CXCL1: variants seen among roughly 807,000 people sequenced by gnomAD.
CXCL1 encodes C-X-C motif chemokine ligand 1.
CXCL1 carries 9 observed loss-of-function variants against 11.7 expected under a neutral mutation model. That is an observed-to-expected ratio of 0.77 (90% CI 0.46 to 1.34). The LOEUF (loss-of-function observed/expected upper bound fraction) is 1.34. CXCL1 is among the 40% of genes most tolerant of loss of function. The pLI is 0.00. For synonymous variants in CXCL1, 78 were observed against 59.1 expected, an observed-to-expected ratio of 1.32 and a Z score of -1.47; for missense variants, 146 against 138.1, an observed-to-expected ratio of 1.06 and a Z score of -0.29.
chr4:73,870,923 G>C lies in CXCL1; in HGVS notation c.*387G>C, dbSNP rs1731937904. 1.2e-5 allele frequency: 2 copies of C among 173,180 alleles called. No homozygotes were observed. Among genetic ancestry groups the C allele is most frequent in the Admixed American group, 1.1e-4 (2 of 17,894 alleles). The allele number at this position is 173,180 out of a possible 1,614,324, so 10.7% of individuals were successfully genotyped here. A position where few individuals can be genotyped will look rare whatever the true frequency, so the allele number is the denominator to read the frequency against. On this transcript the variant is annotated 3_prime_UTR_variant, in exon 4 of 4. Coordinates refer to ENST00000395761, the MANE Select transcript of CXCL1 (RefSeq NM_001511.4). ...CTGCAACATGCCAGCCACTGTGATA[G>C]AGGCTGGCGGATCCAAGCAAATGGC...
In CXCL1 at chr4:73,871,183, AG is replaced by A. The variant is rs1260586048; in HGVS notation, c.*651del. 1 of 152,224 alleles carries A rather than the reference AG, an allele frequency of 6.6e-6. No homozygotes were observed. Among genetic ancestry groups the A allele is most frequent in the Non-Finnish European group, 1.5e-5 (1 of 68,038 alleles). The allele number at this position is 152,224 out of a possible 1,614,324, so 9.4% of individuals were successfully genotyped here. On this transcript the variant is annotated 3_prime_UTR_variant, in exon 4 of 4. Coordinates refer to ENST00000395761, the MANE Select transcript of CXCL1 (RefSeq NM_001511.4). The stretch of plus-strand genomic sequence containing the variant: ...TTACAGTGTTTCTGGCTTAGAACAA[AG>A]GGGCTTAATTATTGATGTTTTCATA...
At chr4:73,869,593 C>G (rs376258192) in intron 1 of CXCL1, 23 bp downstream of exon 1, 1 of 1,612,722 alleles carries the variant, frequency 6.2e-7, no homozygotes, top group Non-Finnish European at 8.5e-7. Flanking sequence ...GCCCTGGGGT[C>G]CCCGGGCCGG....
At chr4:73,869,619 G>A (rs756167130) in intron 1 of CXCL1, 49 bp downstream of exon 1, 8 of 1,613,452 alleles carry the variant, frequency 5.0e-6, no homozygotes, top group Non-Finnish European at 6.8e-6. Flanking sequence ...GCTGGGGTAG[G>A]CACCCAGCGC....
At chr4:73,870,288 C>T in intron 3 of CXCL1, 1 of 622,232 alleles carries the variant, frequency 1.6e-6, no homozygotes, top group Middle Eastern at 3.0e-4. Flanking sequence ...GTTTTTAATC[C>T]AATAGTACAG....
intron 2 of CXCL1, 45 bp from the exon 3 acceptor site, chr4:73,869,861 C>A: frequency 6.2e-7 from 1 of 1,613,614 alleles, no homozygotes; most frequent in East Asian, 2.2e-5. Context: ...CCAACCCTGT[C>A]CCCAGCCCGA....
rs976594581 is a variant in CXCL1, at chr4:73,870,762, A to G, written c.*226A>G. ...AATAATTAAGGGTATGATTAACTCT[A>G]CCTGCACACTGTCCTATTATATTCA... On this transcript the variant is annotated 3_prime_UTR_variant, in exon 4 of 4. Coordinates refer to ENST00000395761, the MANE Select transcript of CXCL1 (RefSeq NM_001511.4). 7.7e-6 allele frequency: 4 copies of G among 521,394 alleles called. No homozygotes were observed. Among genetic ancestry groups the G allele is most frequent in the Non-Finnish European group, 1.4e-5 (4 of 295,208 alleles). The allele number at this position is 521,394 out of a possible 1,614,324, so 32.3% of individuals were successfully genotyped here.
At position 73,869,554 on chromosome 4, in the gene CXCL1, T is replaced by A; in HGVS notation, c.84T>A (p.Ala28=). 1 of 1,609,898 alleles carries A rather than the reference T, an allele frequency of 6.2e-7. No individual in the cohort carries two copies. The highest frequency in any genetic ancestry group is 8.5e-7 in the Non-Finnish European group (1 of 1,178,058). Residue 28 remains alanine, a synonymous_variant, in exon 1 of 4, where the codon GCT becomes GCA. Transcript: ENST00000395761. ...VALLLLLLVA[A]GRRAAGASVA... ...TGCTGCTCCTGCTCCTGGTAGCCGC[T>A]GGCCGGCGCGCAGCAGGTGGGTACC...
At chr4:73,870,049 G>C (rs1270205918) in intron 3 of CXCL1, 60 bp downstream of exon 3, 22 of 1,517,492 alleles carry the variant, frequency 1.4e-5, no homozygotes, top group Non-Finnish European at 1.8e-5. Context: ...ATACTGGCAT[G>C]TGCCCCCTAA....
Position 73,869,655 on chromosome 4 carries a change from C to A in CXCL1, c.101-14C>A, listed in dbSNP as rs372249273. The A allele has an allele frequency of 6.2e-7, 1 of 1,614,148 alleles. No individual in the cohort carries two copies. On this transcript the variant is annotated splice_polypyrimidine_tract_variant and intron_variant, in intron 1 of 3. Transcript: ENST00000395761. Reference sequence around the variant, plus strand: ...CGACAGCCTCGCTCAGTCAGTGAGTCTCTTCTTCCCTAGGAGCGTCCGTGG... The same window carrying A: ...CGACAGCCTCGCTCAGTCAGTGAGTATCTTCTTCCCTAGGAGCGTCCGTGG...
chr4:73,869,734 A>T lies in CXCL1; in HGVS notation c.166A>T (p.Asn56Tyr). The T allele has an allele frequency of 6.2e-7, 1 of 1,614,060 alleles. No homozygotes were observed. The highest frequency in any genetic ancestry group is 1.1e-5 in the South Asian group (1 of 91,076). The change falls in exon 2 of 4, where the codon AAC (asparagine) becomes TAC (tyrosine). Residue 56 changes from asparagine (N) to tyrosine (Y), a missense_variant. Transcript: ENST00000395761. ...GACCCTGCAGGGAATTCACCCCAAG[A>T]ACATCCAAAGTGTGAACGTGAAGTC... is the stretch of plus-strand genomic sequence containing the variant. ...LQTLQGIHPK[N>Y]IQSVNVKSPG...
chr4:73,870,317 C>A, intron 3 of CXCL1: 2 of 573,688 alleles, frequency 3.5e-6, no homozygotes, highest in Non-Finnish European at 6.1e-6. Flanking sequence ...ACCGCCCCAC[C>A]CCACCCCCAT....
chr4:73,870,367 C>G (rs1731920637), intron 3 of CXCL1, among the ~76,000 whole-genome samples, 154 bp from the exon 4 acceptor site: 1 of 152,098 alleles, frequency 6.6e-6, no homozygotes, highest in Admixed American at 6.5e-5. Flanking sequence ...CCCTGCCACA[C>G]AGCACAGCTG....
Position 73,870,571 on chromosome 4 carries a change from C to T in CXCL1, c.*35C>T, listed in dbSNP as rs746403404. The T allele has an allele frequency of 3.1e-6, 5 of 1,613,352 alleles. No homozygotes were observed. The South Asian group carries it at 4.4e-5, about 14-fold the overall frequency. On this transcript the variant is annotated 3_prime_UTR_variant, in exon 4 of 4. Transcript: ENST00000395761. ...AGGAGGAAGCTCACTGGTGGCTGTTCCTGAAGGAGGCCCTGCCCTTATAGG... is the reference window on the plus strand; with the variant it reads ...AGGAGGAAGCTCACTGGTGGCTGTTTCTGAAGGAGGCCCTGCCCTTATAGG...
At position 73,870,651 on chromosome 4, in the gene CXCL1, G is replaced by A; in HGVS notation, c.*115G>A. The A allele has an allele frequency of 8.3e-7, 1 of 1,208,120 alleles. No individual in the cohort carries two copies. Among genetic ancestry groups the A allele is most frequent in the Non-Finnish European group, 1.2e-6 (1 of 845,456 alleles). The allele number at this position is 1,208,120 out of a possible 1,614,324, so 74.8% of individuals were successfully genotyped here. ...AGAGGCCACCTGGATTGTGCCTAAT[G>A]TGTTTGAGCATCGCTTAGGAGAAGT... On this transcript the variant is annotated 3_prime_UTR_variant, in exon 4 of 4. Coordinates refer to ENST00000395761, the MANE Select transcript of CXCL1 (RefSeq NM_001511.4).
At position 73,869,666 on chromosome 4, in the gene CXCL1, T is replaced by C; in HGVS notation, c.101-3T>C. 1.9e-6 allele frequency: 3 copies of C among 1,614,146 alleles called. No individual in the cohort carries two copies. Among genetic ancestry groups the C allele is most frequent in the South Asian group, 1.1e-5 (1 of 91,082 alleles). On this transcript the variant is annotated splice_polypyrimidine_tract_variant and splice_region_variant and intron_variant, in intron 1 of 3. Transcript: ENST00000395761. ...CTCAGTCAGTGAGTCTCTTCTTCCC[T>C]AGGAGCGTCCGTGGCCACTGAACTG...
rs199785807 is a variant in CXCL1, at chr4:73,869,791, A to G, written c.223A>G (p.Ile75Val). The G allele has an allele frequency of 6.2e-7, 1 of 1,613,452 alleles. No homozygotes were observed. Among genetic ancestry groups the G allele is most frequent in the Non-Finnish European group, 8.5e-7 (1 of 1,179,794 alleles). Residue 75 changes from isoleucine (I) to valine (V), a missense_variant and splice_region_variant, in exon 2 of 4, where the codon ATA becomes GTA. Physicochemically the swap from Ile to Val is conservative, Grantham distance 29 (BLOSUM62 3). Coordinates refer to ENST00000395761, the MANE Select transcript of CXCL1 (RefSeq NM_001511.4). ...ACCCCACTGCGCCCAAACCGAAGTC[A>G]TGTAAGTCCCGCCCCGCGCTGCCTC... The part of the protein sequence containing the change: ...PGPHCAQTEV[I>V]ATLKNGRKAC...
intron 3 of CXCL1, 42 bp downstream of exon 3, chr4:73,870,031 G>C (rs200649425): frequency 6.3e-6 from 10 of 1,593,704 alleles, no homozygotes; most frequent in Non-Finnish European, 8.6e-6. Flanking sequence ...TGGAGCCGTT[G>C]GTCAGAAATA....
rs758617785 is a variant in CXCL1 at position 73,869,510 on chromosome 4, C to A, written c.40C>A (p.Arg14=). ...TCTCTCCGCCGCCCCCAGCAATCCC[C>A]GGCTCCTGCGAGTGGCACTGCTGCT... The part of the protein sequence containing the change: ...AALSAAPSNP[R]LLRVALLLLL... Residue 14 remains arginine, a synonymous_variant, in exon 1 of 4, where the codon CGG becomes AGG. Coordinates refer to ENST00000395761, the MANE Select transcript of CXCL1 (RefSeq NM_001511.4). 13 of 1,593,926 alleles carry A rather than the reference C, an allele frequency of 8.2e-6. No individual in the cohort carries two copies. In the South Asian group the frequency reaches 1.3e-4, roughly 16 times the overall value.
At chr4:73,870,399 T>C in intron 3 of CXCL1, 122 bp from the exon 4 acceptor site, 1 of 1,258,764 alleles carries the variant, frequency 7.9e-7, no homozygotes. Context: ...AGCCACTTGG[T>C]TGCCAGGCTG....
Sources: allele counts gnomAD v4.1 joint callset (sites outside exome capture counted in the v4.1 genomes callset), GRCh38; gene constraint gnomAD v4.1.1; transcripts MANE v1.5; gene names NCBI Gene and HGNC (gene_info 2026-07-23, HGNC 2026-07-21).